The following NRXN1 variants were observed in gnomAD, a reference collection of about 807,000 sequenced individuals.
NRXN1 encodes neurexin-1.
Under a neutral mutation model 150.9 loss-of-function variants are expected in NRXN1, and 39 were observed. The ratio of observed to expected loss-of-function variants is 0.26; its 90% CI spans 0.20 to 0.34. NRXN1 has a LOEUF of 0.34. NRXN1 is among the 10% of genes least tolerant of loss of function. The probability of loss-of-function intolerance (pLI) is 1.00; values close to 1 mark genes in which losing one functional copy is unlikely to be tolerated. For synonymous variants in NRXN1, 924 were observed against 757.0 expected, an observed-to-expected ratio of 1.22 and a Z score of -3.62; for missense variants, 1,815 against 1,949.9, an observed-to-expected ratio of 0.93 and a Z score of 1.30.
At chr2:50,740,669 G>C (rs1286044526) in intron 5 of NRXN1, among the ~76,000 whole-genome samples, 1 of 152,060 alleles carries the variant, frequency 6.6e-6, no homozygotes, top group African/African-American at 2.4e-5. Flanking sequence ...TTTTAAATGA[G>C]TTTTTTTCCA....
At chr2:50,134,682 C>T (rs1706109418) in intron 18 of NRXN1, among the ~76,000 whole-genome samples, 1 of 152,150 alleles carries the variant, frequency 6.6e-6, no homozygotes, top group South Asian at 2.1e-4. Flanking sequence ...CCCCTCCTTC[C>T]CCCATCACAC....
intron 5 of NRXN1, among the ~76,000 whole-genome samples, chr2:50,648,314 A>G (rs985790618): frequency 6.6e-6 from 1 of 151,956 alleles, no homozygotes; most frequent in African/African-American, 2.4e-5. Context: ...AGGAGAAAGT[A>G]TTTTCCATCA....
intron 21 of NRXN1, among the ~76,000 whole-genome samples, chr2:49,961,482 A>G (rs1675948504): frequency 6.6e-6 from 1 of 152,122 alleles, no homozygotes; most frequent in African/African-American, 2.4e-5. Context: ...AAATGAGAAC[A>G]CAATAATTAG....
At chr2:50,121,437 A>T (rs1703846202) in intron 18 of NRXN1, among the ~76,000 whole-genome samples, 1 of 152,256 alleles carries the variant, frequency 6.6e-6, no homozygotes, top group African/African-American at 2.4e-5. Context: ...TCACACAGCT[A>T]GTCAGTGGTA....
In NRXN1 at chr2:50,240,334, T is replaced by C. The variant is rs558556371; in HGVS notation, c.3365-3364A>G. Among the ~76,000 whole-genome samples, 37 of 151,944 alleles carry C rather than the reference T, an allele frequency of 2.4e-4. 1 individual carries two copies. Among genetic ancestry groups the C allele is most frequent in the Non-Finnish European group, 4.6e-4 (31 of 67,800 alleles). On this transcript the variant is annotated intron_variant, in intron 17 of 22. Coordinates refer to ENST00000401669, the MANE Select transcript of NRXN1 (RefSeq NM_001330078.2). ...GTATGCACAGTAGTGCATTGTATTG[T>C]ACTCATCAGCACAATTTTATAATAA...
chr2:50,373,310 T>TTATTATTAG (rs2080171879), intron 17 of NRXN1, among the ~76,000 whole-genome samples: 1 of 145,968 alleles, frequency 6.9e-6, no homozygotes, highest in Non-Finnish European at 1.5e-5. Context: ...ATTATTATTA[T>TTATTATTAG]TATTATTATT....
intron 8 of NRXN1, among the ~76,000 whole-genome samples, chr2:50,604,767 G>C (rs568131753): frequency 6.6e-6 from 1 of 151,564 alleles, no homozygotes; most frequent in East Asian, 2.0e-4. Context: ...TATAGAACCT[G>C]TTTCATTTGA....
intron 21 of NRXN1, among the ~76,000 whole-genome samples, chr2:50,051,939 G>A (rs909454155): frequency 6.6e-6 from 1 of 152,038 alleles, no homozygotes; most frequent in Non-Finnish European, 1.5e-5. Flanking sequence ...ATGAAAATAA[G>A]TGCACATGTA....
intron 17 of NRXN1, among the ~76,000 whole-genome samples, chr2:50,369,869 A>G (rs2079883977): frequency 6.6e-6 from 1 of 151,964 alleles, no homozygotes; most frequent in South Asian, 2.1e-4. Flanking sequence ...GTGGTAGAGA[A>G]CCACTACATC....
At chr2:50,557,056 C>A (rs1184336346) in intron 8 of NRXN1, among the ~76,000 whole-genome samples, 2 of 152,108 alleles carry the variant, frequency 1.3e-5, no homozygotes, top group African/African-American at 4.8e-5. Context: ...AAACACTAAT[C>A]CATTAGTAAA....
chr2:50,918,245 A>G (rs902084920), intron 5 of NRXN1: 3 of 164,544 alleles, frequency 1.8e-5, no homozygotes, highest in Non-Finnish European at 2.6e-5. Context: ...ATTAAACAGT[A>G]AATGTCCATT....
At chr2:50,572,099 C>A (rs1233418119) in intron 8 of NRXN1, among the ~76,000 whole-genome samples, 1 of 152,036 alleles carries the variant, frequency 6.6e-6, no homozygotes. Flanking sequence ...TCAGGTGGAC[C>A]CAGAGAAAAC....
rs575440515 is a variant in NRXN1 at position 50,496,750 on chromosome 2, C to T, written c.2879+583G>A. On this transcript the variant is annotated intron_variant, in intron 14 of 22. Transcript: ENST00000401669. ...TGGCAGAAGTATATATATTTATATC[C>T]GTGCATGGCACCTGATGTAGCATAT... 6.6e-5 allele frequency among the ~76,000 whole-genome samples: 10 copies of T among 152,146 alleles called. No homozygotes were observed. In the East Asian group the frequency reaches 1.5e-3, roughly 24 times the overall value.
rs532749608 is a variant in NRXN1, at chr2:50,352,952, G to C, written c.3364+112490C>G. On this transcript the variant is annotated intron_variant, in intron 17 of 22. Transcript: ENST00000401669. ...TTCACCTCCAACCACCGATAGTCCA[G>C]TCATAGATATAGATTGGTGAATTCA... Among the ~76,000 whole-genome samples, 9 of 151,966 alleles carry C rather than the reference G, an allele frequency of 5.9e-5. No homozygotes were observed. In the South Asian group the frequency reaches 1.9e-3, roughly 32 times the overall value.
intron 19 of NRXN1, among the ~76,000 whole-genome samples, chr2:50,087,769 G>C (rs1346298852): frequency 1.3e-5 from 2 of 152,060 alleles, no homozygotes; most frequent in Non-Finnish European, 2.9e-5. Flanking sequence ...TACTCAAAAA[G>C]AGCATAAAAT....
chr2:50,300,885 G>A (rs1188145862), intron 17 of NRXN1, among the ~76,000 whole-genome samples: 1 of 151,970 alleles, frequency 6.6e-6, no homozygotes, highest in Non-Finnish European at 1.5e-5. Flanking sequence ...TATTAGAGAG[G>A]GGGTTTCACC....
intron 2 of NRXN1, among the ~76,000 whole-genome samples, chr2:51,006,354 A>T (rs936647330): frequency 7.0e-6 from 1 of 142,192 alleles, no homozygotes; most frequent in Admixed American, 7.0e-5. Flanking sequence ...ATGAGAACAC[A>T]TGGACACAGG....
At chr2:50,910,403 T>A (rs1684354791) in intron 5 of NRXN1, among the ~76,000 whole-genome samples, 1 of 152,016 alleles carries the variant, frequency 6.6e-6, no homozygotes, top group Admixed American at 6.6e-5. Context: ...TTACTATCTG[T>A]GCTTTACAAA....
intron 5 of NRXN1, among the ~76,000 whole-genome samples, chr2:50,734,227 TC>T (rs956029484): frequency 6.6e-6 from 1 of 152,150 alleles, no homozygotes; most frequent in Non-Finnish European, 1.5e-5. Flanking sequence ...AGAAACCCCG[TC>T]CTAACCTTTT....
Sources: allele counts gnomAD v4.1 joint callset (sites outside exome capture counted in the v4.1 genomes callset), GRCh38; gene constraint gnomAD v4.1.1; transcripts MANE v1.5; gene names NCBI Gene and HGNC (gene_info 2026-07-23, HGNC 2026-07-21).